MCTP1: variants seen among roughly 807,000 people sequenced by gnomAD.
MCTP1 encodes the protein multiple C2 and transmembrane domain containing 1.
In MCTP1, 69 loss-of-function variants were observed where a neutral mutation model predicts 120.6. That is an observed-to-expected ratio of 0.57 (90% CI 0.47 to 0.70). The LOEUF is 0.70. Among genes scored for constraint, MCTP1 ranks in the 30% least tolerant of loss-of-function variants. The pLI, the probability that MCTP1 is intolerant of heterozygous loss-of-function variation, is 0.00. For synonymous variants in MCTP1, 529 were observed against 493.1 expected, an observed-to-expected ratio of 1.07 and a Z score of -0.96; for missense variants, 1,203 against 1,248.8, an observed-to-expected ratio of 0.96 and a Z score of 0.55.
intron 18 of MCTP1, among the ~76,000 whole-genome samples, chr5:94,796,574 TCCAC>T (rs1780060088): frequency 2.8e-5 from 4 of 140,616 alleles, no homozygotes. Context: ...TGTGTGTGTA[TCCAC>T]ATACACACAC....
intron 1 of MCTP1, among the ~76,000 whole-genome samples, chr5:95,212,791 A>C (rs1301627772): frequency 6.6e-6 from 1 of 152,186 alleles, no homozygotes; most frequent in African/African-American, 2.4e-5. Flanking sequence ...GATGCAGAAA[A>C]GGCCTTTGAA....
intron 17 of MCTP1, among the ~76,000 whole-genome samples, chr5:94,808,918 A>G (rs1169317090): frequency 6.6e-6 from 1 of 152,194 alleles, no homozygotes; most frequent in Admixed American, 6.5e-5. Context: ...CCAATTCTTT[A>G]TATTGTGAAA....
At chr5:94,938,310 C>T (rs1816702217) in intron 5 of MCTP1, among the ~76,000 whole-genome samples, 1 of 151,980 alleles carries the variant, frequency 6.6e-6, no homozygotes, top group African/African-American at 2.4e-5. Context: ...ATTGTCCTTC[C>T]ACCCCAGTGT....
chr5:94,714,499 A>C lies in MCTP1; in HGVS notation c.2720+278T>G, dbSNP rs568360756. On this transcript the variant is annotated intron_variant, in intron 20 of 22. Coordinates refer to ENST00000515393, the MANE Select transcript of MCTP1 (RefSeq NM_024717.7). ...TCCATTTAAGAACAAAGTCTTTCAC[A>C]GTGAAAAATGTGCTAAAATTTAGGA... Among the ~76,000 whole-genome samples the C allele has an allele frequency of 7.2e-5, 11 of 152,292 alleles. No homozygotes were observed. In the East Asian group the frequency reaches 1.9e-3, roughly 27 times the overall value.
intron 1 of MCTP1, among the ~76,000 whole-genome samples, chr5:95,061,937 G>T (rs1749345604): frequency 6.6e-6 from 1 of 152,100 alleles, no homozygotes; most frequent in African/African-American, 2.4e-5. Context: ...TTAGGGCCTG[G>T]GCTTTGATTA....
chr5:95,017,431 G>T lies in MCTP1; in HGVS notation c.774C>A (p.Pro258=). 1 of 1,610,644 alleles carries T rather than the reference G, an allele frequency of 6.2e-7. No homozygotes were observed. Among genetic ancestry groups the T allele is most frequent in the Non-Finnish European group, 8.5e-7 (1 of 1,177,904 alleles). ...ATGTAATGTCCAGCTGGTACATTCC[G>T]GGATCAGCCAAGGGGACTTCTGCAT... The part of the protein sequence containing the change: ...TSNAEVPLAD[P]GMYQLDITLR... Residue 258 remains proline (P), a synonymous_variant, in exon 2 of 23, where the codon CCC becomes CCA. Coordinates refer to ENST00000515393, the MANE Select transcript of MCTP1 (RefSeq NM_024717.7).
intron 6 of MCTP1, among the ~76,000 whole-genome samples, chr5:94,928,126 A>G (rs1813628792): frequency 6.6e-6 from 1 of 151,980 alleles, no homozygotes; most frequent in Admixed American, 6.6e-5. Context: ...TATTTGTTAT[A>G]TAATTGAAGT....
At chr5:95,117,707 T>C (rs1757922425) in intron 1 of MCTP1, among the ~76,000 whole-genome samples, 3 of 152,188 alleles carry the variant, frequency 2.0e-5, no homozygotes, top group Non-Finnish European at 4.4e-5. Flanking sequence ...TAAAGATACA[T>C]GTACACATAT....
chr5:95,102,142 A>T (rs1178748214), intron 1 of MCTP1, among the ~76,000 whole-genome samples: 3 of 152,146 alleles, frequency 2.0e-5, no homozygotes, highest in Admixed American at 2.0e-4. Flanking sequence ...CTTGAATGAT[A>T]GGACTCATCA....
chr5:94,986,753 C>T (rs1257725446), intron 2 of MCTP1, among the ~76,000 whole-genome samples: 1 of 152,084 alleles, frequency 6.6e-6, no homozygotes. Context: ...TCAAGTGATC[C>T]AACCGCCTCG....
At chr5:94,955,516 G>A (rs1315137272) in intron 2 of MCTP1, among the ~76,000 whole-genome samples, 1 of 152,166 alleles carries the variant, frequency 6.6e-6, no homozygotes, top group Admixed American at 6.5e-5. Context: ...AGATCCACTG[G>A]CTTGAAATTC....
At chr5:95,102,588 G>A (rs1756816075) in intron 1 of MCTP1, among the ~76,000 whole-genome samples, 1 of 152,188 alleles carries the variant, frequency 6.6e-6, no homozygotes, top group Non-Finnish European at 1.5e-5. Context: ...GCCCAAATGT[G>A]GGGCAGTTCT....
chr5:94,997,782 A>G (rs183127260), intron 2 of MCTP1, among the ~76,000 whole-genome samples: 3 of 152,314 alleles, frequency 2.0e-5, no homozygotes, highest in Admixed American at 1.3e-4. Context: ...CAATACATAA[A>G]TGTGTTTACC....
At chr5:95,153,105 A>T (rs45052) in intron 1 of MCTP1, among the ~76,000 whole-genome samples, 43,114 of 152,022 alleles carry the variant, frequency 0.28, 6,544 homozygotes, top group East Asian at 0.57. Context: ...GTCATCTCAA[A>T]TTGTGATCCC....
In MCTP1 at chr5:95,006,988, C is replaced by A. The variant is rs369573259; in HGVS notation, c.838+10379G>T. ...CTCATGCTGCTAATAAAGACACACC[C>A]AAGACTAGGTAATTTATAAAGGAAA... On this transcript the variant is annotated intron_variant, in intron 2 of 22. Coordinates refer to ENST00000515393, the MANE Select transcript of MCTP1 (RefSeq NM_024717.7). 5.8e-4 allele frequency among the ~76,000 whole-genome samples: 89 copies of A among 152,166 alleles called. 1 individual carries two copies. The highest frequency in any genetic ancestry group is 1.9e-3 in the African/African-American group (78 of 41,508).
At chr5:94,796,337 C>A (rs1779988324) in intron 18 of MCTP1, among the ~76,000 whole-genome samples, 1 of 151,758 alleles carries the variant, frequency 6.6e-6, no homozygotes, top group Non-Finnish European at 1.5e-5. Flanking sequence ...TTTCCTAAAA[C>A]AGAAAGTTTC....
At chr5:94,714,139 T>C (rs1279463320) in intron 20 of MCTP1, among the ~76,000 whole-genome samples, 1 of 152,168 alleles carries the variant, frequency 6.6e-6, no homozygotes, top group East Asian at 1.9e-4. Flanking sequence ...TATAAGAATG[T>C]AAGTTTCTTA....
intron 17 of MCTP1, chr5:94,867,189 G>C (rs1411229525): frequency 2.2e-6 from 3 of 1,350,622 alleles, no homozygotes; most frequent in Non-Finnish European, 2.9e-6. Flanking sequence ...GCTACAAAAA[G>C]AATACTGAGA....
chr5:95,234,549 A>C (rs148067670), intron 1 of MCTP1, among the ~76,000 whole-genome samples: 349 of 152,334 alleles, frequency 2.3e-3, no homozygotes, highest in African/African-American at 7.8e-3. Context: ...GGAAACGAGA[A>C]CCAACGCAGT....
Sources: gnomAD v4.1 joint callset for allele counts (sites outside exome capture counted in the v4.1 genomes callset) on GRCh38, gnomAD v4.1.1 for gene constraint, MANE v1.5 for transcripts, NCBI Gene and HGNC (gene_info 2026-07-23, HGNC 2026-07-21) for gene names.